P2RY12: variants seen among roughly 807,000 people sequenced by gnomAD.
The protein encoded by P2RY12 is P2Y purinoceptor 12.
P2RY12 carries 3 observed loss-of-function variants against 4.5 expected under a neutral mutation model. The ratio of observed to expected loss-of-function variants is 0.67; its 90% CI spans 0.31 to 1.74. P2RY12 has a LOEUF of 1.74. Ranked by LOEUF, P2RY12 falls within the 40% of genes most tolerant of loss-of-function variation. P2RY12 has a pLI of 0.09. For synonymous variants in P2RY12, 148 were observed against 154.1 expected (o/e 0.96, Z 0.29); for missense variants, 356 against 407.8 (o/e 0.87, Z 1.09).
intron 1 of P2RY12, among the ~76,000 whole-genome samples, chr3:151,346,935 T>C (rs1752621386): frequency 6.6e-6 from 1 of 152,190 alleles, no homozygotes; most frequent in Non-Finnish European, 1.5e-5. Context: ...TTATACATTG[T>C]AAATAGATTA....
chr3:151,365,441 ATT>A (rs2107916385), intron 1 of P2RY12, among the ~76,000 whole-genome samples: 1 of 152,318 alleles, frequency 6.6e-6, no homozygotes, highest in South Asian at 2.1e-4. Context: ...ATGGCCAACA[ATT>A]ACATGATTTA....
chr3:151,339,044 C>T (rs567383391), intron 2 of P2RY12, among the ~76,000 whole-genome samples, 185 bp from the exon 3 acceptor site: 5 of 152,246 alleles, frequency 3.3e-5, no homozygotes, highest in Admixed American at 3.3e-4. Context: ...AATATTGCAT[C>T]TCTGCTGAAG....
intron 1 of P2RY12, chr3:151,376,228 A>G (rs748344504): frequency 7.1e-7 from 1 of 1,398,738 alleles, no homozygotes; most frequent in Non-Finnish European, 9.4e-7. Context: ...AGTCGTATAC[A>G]GATTGTGTTT....
chr3:151,352,060 A>G (rs1034345713), intron 1 of P2RY12, among the ~76,000 whole-genome samples: 3 of 152,222 alleles, frequency 2.0e-5, no homozygotes, highest in Admixed American at 1.3e-4. Flanking sequence ...TGCATATATA[A>G]TGAGAAATCT....
chr3:151,362,819 C>G (rs1754785769), intron 1 of P2RY12, among the ~76,000 whole-genome samples: 1 of 152,012 alleles, frequency 6.6e-6, no homozygotes, highest in Admixed American at 6.6e-5. Flanking sequence ...CAAAATAATC[C>G]TTTGTGAAAT....
At chr3:151,341,752 A>G (rs1232416200) in intron 1 of P2RY12, among the ~76,000 whole-genome samples, 2 of 99,546 alleles carry the variant, frequency 2.0e-5, no homozygotes, top group Non-Finnish European at 3.9e-5. Context: ...AACAGTCCCC[A>G]GAGTGTAGTG....
intron 1 of P2RY12, among the ~76,000 whole-genome samples, chr3:151,354,124 G>A (rs1753620775): frequency 9.1e-6 from 1 of 110,024 alleles, no homozygotes; most frequent in Non-Finnish European, 1.7e-5. Context: ...CTGGGCGACA[G>A]AGCGAGACTC....
chr3:151,363,958 A>G (rs1372861237), intron 1 of P2RY12, among the ~76,000 whole-genome samples: 2 of 152,006 alleles, frequency 1.3e-5, no homozygotes, highest in African/African-American at 2.4e-5. Context: ...TCTTCGAGGG[A>G]CTCATTCCTG....
chr3:151,367,672 A>G, intron 1 of P2RY12: 2 of 1,608,896 alleles, frequency 1.2e-6, no homozygotes, highest in African/African-American at 1.3e-5. Context: ...TCCATGATTC[A>G]TTAGCTACTT....
At chr3:151,375,628 T>G (rs1190435051) in intron 1 of P2RY12, among the ~76,000 whole-genome samples, 1 of 152,184 alleles carries the variant, frequency 6.6e-6, no homozygotes, top group Non-Finnish European at 1.5e-5. Context: ...CTATGTTGTA[T>G]CTAGTCAGTG....
chr3:151,338,117 A>G lies in P2RY12; in HGVS notation c.729T>C (p.Ala243=), dbSNP rs769573028. Residue 243 remains alanine, a synonymous_variant, in exon 3 of 3, where the codon GCT becomes GCC. Coordinates refer to ENST00000302632, the MANE Select transcript of P2RY12 (RefSeq NM_022788.5). ...KVNVKVFIII[A]VFFICFVPFH... is the part of the protein sequence containing the mutation. ...AAGGAACAAAACAAATAAAGAATAC[A>G]GCAATGATAATGAAAACTTTGACGT... 3.1e-6 allele frequency: 5 copies of G among 1,614,110 alleles called. No homozygotes were observed. The highest frequency in any genetic ancestry group is 1.7e-6 in the Non-Finnish European group (2 of 1,180,004).
intron 1 of P2RY12, among the ~76,000 whole-genome samples, chr3:151,382,969 A>G (rs1712660238): frequency 6.6e-6 from 1 of 152,094 alleles, no homozygotes; most frequent in Non-Finnish European, 1.5e-5. Flanking sequence ...TTAAGCATAG[A>G]TTTGCCTTCT....
chr3:151,371,296 A>G (rs1033369294), intron 1 of P2RY12, among the ~76,000 whole-genome samples: 38 of 152,152 alleles, frequency 2.5e-4, no homozygotes, highest in Non-Finnish European at 2.9e-4. Flanking sequence ...AATTTCTACA[A>G]TGTAACTCAA....
chr3:151,352,135 C>A (rs1753312002), intron 1 of P2RY12, among the ~76,000 whole-genome samples: 1 of 152,160 alleles, frequency 6.6e-6, no homozygotes, highest in East Asian at 1.9e-4. Flanking sequence ...TATATACATA[C>A]CCTGAAGGTA....
chr3:151,362,465 G>C (rs948033363), intron 1 of P2RY12, among the ~76,000 whole-genome samples: 1 of 151,906 alleles, frequency 6.6e-6, no homozygotes, highest in South Asian at 2.1e-4. Context: ...TGTGATACTT[G>C]TCCTCAGTTA....
intron 1 of P2RY12, 49 bp from the exon 2 acceptor site, chr3:151,340,809 T>G (rs552302819): frequency 6.5e-6 from 1 of 152,710 alleles, no homozygotes; most frequent in South Asian, 2.1e-4. Flanking sequence ...AATCAGAGAT[T>G]GTCTTCAAAC....
chr3:151,380,881 G>A (rs545522000), intron 1 of P2RY12, among the ~76,000 whole-genome samples: 2 of 152,318 alleles, frequency 1.3e-5, no homozygotes, highest in South Asian at 4.1e-4. Context: ...AGCTCCTCAA[G>A]CTTGGATGCC....
At chr3:151,367,570 A>T in intron 1 of P2RY12, 1 of 1,360,284 alleles carries the variant, frequency 7.4e-7, no homozygotes, top group South Asian at 1.5e-5. Context: ...TATTGCCTGC[A>T]TTCTCTTAGT....
At chr3:151,366,496 A>G (rs188782965) in intron 1 of P2RY12, among the ~76,000 whole-genome samples, 1 of 152,330 alleles carries the variant, frequency 6.6e-6, no homozygotes, top group East Asian at 1.9e-4. Context: ...TGCCTGGAAG[A>G]TGATGAAAAG....
Sources: gnomAD v4.1 joint callset for allele counts (sites outside exome capture counted in the v4.1 genomes callset) on GRCh38, gnomAD v4.1.1 for gene constraint, MANE v1.5 for transcripts, NCBI Gene and HGNC (gene_info 2026-07-23, HGNC 2026-07-21) for gene names.